The following NAALADL2 variants were observed in gnomAD, a reference collection of about 807,000 sequenced individuals.
NAALADL2 encodes N-acetylated alpha-linked acidic dipeptidase like 2.
In NAALADL2, 76 loss-of-function variants were observed where a neutral mutation model predicts 87.2. That is an observed-to-expected ratio of 0.87 (90% CI 0.72 to 1.05). The LOEUF (loss-of-function observed/expected upper bound fraction) is 1.05. Among genes scored for constraint, NAALADL2 ranks in the 50% least tolerant of loss-of-function variants. The pLI, the probability that NAALADL2 is intolerant of heterozygous loss-of-function variation, is 0.00. For synonymous variants in NAALADL2, 354 were observed against 331.0 expected (o/e 1.07, Z -0.75); for missense variants, 1,089 against 945.8 (o/e 1.15, Z -1.99).
chr3:174,513,742 CAT>C (rs1719752873), intron 1 of NAALADL2, among the ~76,000 whole-genome samples: 1 of 152,148 alleles, frequency 6.6e-6, no homozygotes, highest in South Asian at 2.1e-4. Flanking sequence ...CCACAAAAGA[CAT>C]AAAAAATTAC....
At chr3:174,769,577 AT>A (rs1436008999) in intron 3 of NAALADL2, among the ~76,000 whole-genome samples, 33 of 151,550 alleles carry the variant, frequency 2.2e-4, no homozygotes, top group Admixed American at 8.5e-4. Context: ...AATTATTTTT[AT>A]TTTTATTTTA....
At chr3:175,741,535 G>A (rs562646996) in intron 12 of NAALADL2, among the ~76,000 whole-genome samples, 2 of 152,100 alleles carry the variant, frequency 1.3e-5, no homozygotes, top group African/African-American at 4.8e-5. Context: ...TAAATTTGCT[G>A]TTGAGATTCC....
intron 11 of NAALADL2, among the ~76,000 whole-genome samples, chr3:175,682,950 G>A (rs1735787443): frequency 6.6e-6 from 1 of 151,874 alleles, no homozygotes; most frequent in African/African-American, 2.4e-5. Context: ...AAATTAAAAG[G>A]AGAGATCTCA....
At chr3:174,791,733 T>G (rs1717473520) in intron 3 of NAALADL2, among the ~76,000 whole-genome samples, 1 of 152,228 alleles carries the variant, frequency 6.6e-6, no homozygotes. Flanking sequence ...AAATTGTGAA[T>G]ATTTTATATC....
At chr3:175,477,340 A>G (rs1725836344) in intron 9 of NAALADL2, among the ~76,000 whole-genome samples, 1 of 152,158 alleles carries the variant, frequency 6.6e-6, no homozygotes, top group Non-Finnish European at 1.5e-5. Flanking sequence ...CTGCATTAAC[A>G]CGTCATGGGT....
intron 9 of NAALADL2, among the ~76,000 whole-genome samples, chr3:175,496,366 T>C (rs12054043): frequency 0.1 from 15,375 of 151,860 alleles, 933 homozygotes; most frequent in East Asian, 0.26. Context: ...ACAATTTATG[T>C]TTATCTTTTT....
chr3:175,210,991 A>G (rs986386012), intron 2 of NAALADL2, among the ~76,000 whole-genome samples: 1 of 151,772 alleles, frequency 6.6e-6, no homozygotes, highest in Non-Finnish European at 1.5e-5. Flanking sequence ...ATGCTGTAAA[A>G]TTTTATTCAC....
chr3:174,812,759 T>C (rs1433315538), intron 3 of NAALADL2, among the ~76,000 whole-genome samples: 1 of 151,906 alleles, frequency 6.6e-6, no homozygotes, highest in Non-Finnish European at 1.5e-5. Flanking sequence ...ATGTGTGTAT[T>C]TGTGTCTTCA....
chr3:175,270,280 A>G (rs1333568083), intron 4 of NAALADL2, among the ~76,000 whole-genome samples: 2 of 152,178 alleles, frequency 1.3e-5, no homozygotes, highest in African/African-American at 2.4e-5. Flanking sequence ...AGACTCACCA[A>G]TTTAGCTGTC....
chr3:175,758,956 T>C (rs1435076803), intron 13 of NAALADL2, among the ~76,000 whole-genome samples: 1 of 152,166 alleles, frequency 6.6e-6, no homozygotes, highest in Non-Finnish European at 1.5e-5. Context: ...TAAAGCCAAA[T>C]ACTTCATTTT....
intron 2 of NAALADL2, among the ~76,000 whole-genome samples, chr3:175,107,963 A>G (rs1020449649): frequency 4.6e-5 from 7 of 152,118 alleles, no homozygotes; most frequent in South Asian, 4.1e-4. Context: ...ATCTATAAAA[A>G]AAATGGTATT....
At chr3:175,202,444 G>T (rs905004495) in intron 2 of NAALADL2, among the ~76,000 whole-genome samples, 4 of 152,172 alleles carry the variant, frequency 2.6e-5, no homozygotes, top group African/African-American at 9.7e-5. Flanking sequence ...GTTCAAGAAT[G>T]CTTAACATGC....
intron 2 of NAALADL2, among the ~76,000 whole-genome samples, chr3:174,680,978 C>G (rs1727481143): frequency 6.6e-6 from 1 of 152,154 alleles, no homozygotes; most frequent in South Asian, 2.1e-4. Flanking sequence ...CCCTTCCTCC[C>G]CAGCCTCAAC....
intron 10 of NAALADL2, among the ~76,000 whole-genome samples, chr3:175,598,414 G>A (rs1001387573): frequency 2.6e-5 from 4 of 151,206 alleles, no homozygotes; most frequent in African/African-American, 9.7e-5. Flanking sequence ...ATGAAAAACA[G>A]GTTCAGGTAA....
chr3:174,996,092 T>C (rs934912747), intron 1 of NAALADL2, among the ~76,000 whole-genome samples: 3 of 152,178 alleles, frequency 2.0e-5, no homozygotes, highest in South Asian at 2.1e-4. Flanking sequence ...TGTTATATTA[T>C]AGATTAAAGA....
intron 5 of NAALADL2, among the ~76,000 whole-genome samples, chr3:175,348,702 G>T (rs575501939): frequency 6.6e-6 from 1 of 152,058 alleles, no homozygotes; most frequent in Non-Finnish European, 1.5e-5. Context: ...TTTCTTTAAG[G>T]ATACTAGTGA....
At chr3:174,939,254 T>G (rs1022635238) in intron 1 of NAALADL2, among the ~76,000 whole-genome samples, 17 of 152,120 alleles carry the variant, frequency 1.1e-4, no homozygotes, top group Non-Finnish European at 2.5e-4. Flanking sequence ...ATTTATTGGT[T>G]GAATAAAGAG....
Position 175,096,905 on chromosome 3 carries a change from G to A in NAALADL2, c.159G>A (p.Glu53=), listed in dbSNP as rs758143239. ...ATALDLEWDM[E]KELEESGFDQ... ...CCCTTGACTTAGAGTGGGACATGGA[G>A]AAGGAACTAGAGGAGTCTGGTTTTG... Residue 53 remains glutamate, a synonymous_variant, in exon 2 of 14, where the codon GAG becomes GAA. Coordinates refer to ENST00000454872, the MANE Select transcript of NAALADL2 (RefSeq NM_207015.3). 1 of 1,613,432 alleles carries A rather than the reference G, an allele frequency of 6.2e-7. No individual in the cohort carries two copies. The highest frequency in any genetic ancestry group is 8.5e-7 in the Non-Finnish European group (1 of 1,179,650).
At chr3:175,354,457 A>G (rs1764119204) in intron 5 of NAALADL2, among the ~76,000 whole-genome samples, 1 of 152,164 alleles carries the variant, frequency 6.6e-6, no homozygotes, top group Admixed American at 6.6e-5. Context: ...AAGACAGAAG[A>G]AAATATTTTT....
Sources: allele counts gnomAD v4.1 joint callset (sites outside exome capture counted in the v4.1 genomes callset), GRCh38; gene constraint gnomAD v4.1.1; transcripts MANE v1.5; gene names NCBI Gene and HGNC (gene_info 2026-07-23, HGNC 2026-07-21).